Variants in ELAVL4 observed in about 807,000 individuals in gnomAD.
ELAVL4 encodes the protein ELAV like RNA binding protein 4, also known as ELAV-like protein 4.
Under a neutral mutation model 35.6 loss-of-function variants are expected in ELAVL4, and 1 was observed. That is an observed-to-expected ratio of 0.03 (90% confidence interval 0.01 to 0.13). The LOEUF (loss-of-function observed/expected upper bound fraction) is 0.13, where lower values mean the gene tolerates loss of function less well. Ranked by LOEUF, ELAVL4 falls within the 10% of genes least tolerant of loss-of-function variation. The probability of loss-of-function intolerance (pLI) is 1.00; values close to 1 mark genes in which losing one functional copy is unlikely to be tolerated. For synonymous variants in ELAVL4, 156 were observed against 171.0 expected, an observed-to-expected ratio of 0.91 and a Z score of 0.69; for missense variants, 267 against 464.9, an observed-to-expected ratio of 0.57 and a Z score of 3.91.
At chr1:50,057,612 T>C (rs1397207045) in intron 1 of ELAVL4, among the ~76,000 whole-genome samples, 1 of 152,192 alleles carries the variant, frequency 6.6e-6, no homozygotes, top group East Asian at 1.9e-4. Context: ...AATACAAGCA[T>C]TGTGTTACAG....
At chr1:50,176,979 G>T (rs1680145594) in intron 2 of ELAVL4, 110 bp from the exon 3 acceptor site, 1 of 810,194 alleles carries the variant, frequency 1.2e-6, no homozygotes, top group Non-Finnish European at 2.0e-6. Flanking sequence ...TTGACTCACT[G>T]CAGTGGGAAG....
At chr1:50,158,354 T>C (rs1572446393) in intron 2 of ELAVL4, among the ~76,000 whole-genome samples, 1 of 152,190 alleles carries the variant, frequency 6.6e-6, no homozygotes, top group South Asian at 2.1e-4. Context: ...GTATTTACTA[T>C]ACTGTACTAG....
chr1:50,156,376 A>T (rs957621841), intron 2 of ELAVL4, among the ~76,000 whole-genome samples: 1 of 152,214 alleles, frequency 6.6e-6, no homozygotes, highest in Admixed American at 6.5e-5. Context: ...AAATGAAAGC[A>T]GTCTATAAAT....
chr1:50,144,846 A>C, intron 1 of ELAVL4, 111 bp from the exon 2 acceptor site: 1 of 1,513,950 alleles, frequency 6.6e-7, no homozygotes. Context: ...CTCTTGCTCC[A>C]TCTTGCTTTA....
chr1:50,087,793 T>C (rs994176697), intron 1 of ELAVL4, among the ~76,000 whole-genome samples: 6 of 152,184 alleles, frequency 3.9e-5, no homozygotes, highest in African/African-American at 1.4e-4. Context: ...GAGAAGGCAG[T>C]CACCTGCAAA....
intron 1 of ELAVL4, among the ~76,000 whole-genome samples, chr1:50,091,176 T>A (rs892921436): frequency 6.6e-6 from 1 of 152,244 alleles, no homozygotes; most frequent in Non-Finnish European, 1.5e-5. Context: ...GAATTTCATT[T>A]CATGAATTGT....
intron 4 of ELAVL4, among the ~76,000 whole-genome samples, chr1:50,194,964 AT>A (rs752907421): frequency 1.6e-4 from 25 of 152,190 alleles, no homozygotes; most frequent in Admixed American, 9.8e-4. Context: ...TCAATAGGGA[AT>A]TTGGGGCCAG....
chr1:50,140,033 A>G (rs1672556910), intron 1 of ELAVL4, among the ~76,000 whole-genome samples: 1 of 152,248 alleles, frequency 6.6e-6, no homozygotes, highest in Non-Finnish European at 1.5e-5. Flanking sequence ...ACAGAAACAT[A>G]AAAGATTTAA....
In ELAVL4 at chr1:50,137,514, GGGAA is replaced by G. The variant is rs377587809; in HGVS notation, c.10-7424_10-7421del. Reference sequence around the variant, plus strand: ...CATAGAGAGACCCAGTCAAAAAAAAGGGAAGGAAGGAAGGAAGGAAGGCAGGAAG... The same window carrying G: ...CATAGAGAGACCCAGTCAAAAAAAAGGGAAGGAAGGAAGGAAGGCAGGAAG... On this transcript the variant is annotated intron_variant, in intron 1 of 6. Coordinates refer to ENST00000371824, the MANE Select transcript of ELAVL4 (RefSeq NM_001144774.3). 1.4e-3 allele frequency among the ~76,000 whole-genome samples: 212 copies of G among 151,592 alleles called. 2 individuals are homozygous for G. The highest frequency in any genetic ancestry group is 0.01 in the South Asian group (50 of 4,794).
chr1:50,096,146 C>T (rs1665708809), intron 1 of ELAVL4, among the ~76,000 whole-genome samples: 1 of 151,754 alleles, frequency 6.6e-6, no homozygotes, highest in African/African-American at 2.4e-5. Context: ...ATTTATTGAG[C>T]ACCAACTATG....
chr1:50,096,860 C>T lies in ELAVL4; in HGVS notation c.19-48097C>T, dbSNP rs548653630. 5.9e-5 allele frequency among the ~76,000 whole-genome samples: 9 copies of T among 152,246 alleles called. 1 individual carries two copies. In the South Asian group the frequency reaches 1.9e-3, roughly 32 times the overall value. Reference sequence around the variant, plus strand: ...TTGGACTTAATCAAGGTCCTGGTCCCTGACTTTTAAAAGCCCATGGTTTTA... The same window carrying T: ...TTGGACTTAATCAAGGTCCTGGTCCTTGACTTTTAAAAGCCCATGGTTTTA... On this transcript the variant is annotated intron_variant, in intron 1 of 6. Transcript: ENST00000448907.
chr1:50,083,154 T>G (rs942963342), intron 1 of ELAVL4, among the ~76,000 whole-genome samples: 10 of 152,190 alleles, frequency 6.6e-5, no homozygotes, highest in Non-Finnish European at 1.5e-4. Context: ...ACTCCTGGGC[T>G]CAAGTGATCT....
At chr1:50,154,689 G>A (rs1212964755) in intron 2 of ELAVL4, among the ~76,000 whole-genome samples, 2 of 151,888 alleles carry the variant, frequency 1.3e-5, no homozygotes, top group African/African-American at 4.8e-5. Flanking sequence ...GCACTTGGCT[G>A]CTTATTTTTC....
intron 1 of ELAVL4, among the ~76,000 whole-genome samples, chr1:50,094,923 C>G (rs1009845900): frequency 2.0e-5 from 3 of 151,728 alleles, no homozygotes; most frequent in African/African-American, 7.3e-5. Flanking sequence ...GAGTGAGACT[C>G]CATCTCAAAA....
At chr1:50,059,181 A>G (rs544462994) in intron 1 of ELAVL4, among the ~76,000 whole-genome samples, 6 of 152,298 alleles carry the variant, frequency 3.9e-5, no homozygotes, top group Admixed American at 2.6e-4. Context: ...TTAAATATCA[A>G]TCATATTTCT....
upstream of ELAVL4, among the ~76,000 whole-genome samples, chr1:50,102,400 TTTC>T (rs1291062460): frequency 3.9e-5 from 6 of 151,936 alleles, no homozygotes; most frequent in Non-Finnish European, 8.8e-5. Context: ...AATTTCGTTA[TTTC>T]TTCTTCTCCT....
chr1:50,058,761 G>A (rs1663813376), intron 1 of ELAVL4, among the ~76,000 whole-genome samples: 1 of 151,726 alleles, frequency 6.6e-6, no homozygotes, highest in African/African-American at 2.4e-5. Context: ...CTATAGGCAT[G>A]CACCACCATG....
rs1000036171 is a variant in ELAVL4 at position 50,201,742 on chromosome 1, T to C, written c.*564T>C. ...AAATTGCAAAAATAAAAAAAAACTT[T>C]TGCAAATTTTTTTATTTTTCCTTCT... On this transcript the variant is annotated 3_prime_UTR_variant, in exon 7 of 7. Transcript: ENST00000371824. The surrounding 1 kb of genome is among the most constrained non-coding windows in gnomAD (Gnocchi z 4.3). 5.9e-5 allele frequency: 9 copies of C among 152,112 alleles called. No homozygotes were observed. The highest frequency in any genetic ancestry group is 2.2e-4 in the African/African-American group (9 of 41,548). The allele number at this position is 152,112 out of a possible 1,614,324, so 9.4% of individuals were successfully genotyped here. A position where few individuals can be genotyped will look rare whatever the true frequency, so the allele number is the denominator to read the frequency against.
chr1:50,130,758 C>G (rs1670716933), intron 1 of ELAVL4, among the ~76,000 whole-genome samples: 1 of 152,056 alleles, frequency 6.6e-6, no homozygotes, highest in Non-Finnish European at 1.5e-5. Flanking sequence ...GGTTTCTGGC[C>G]CATCGAAGGA....
Sources: gnomAD v4.1 joint callset for allele counts (sites outside exome capture counted in the v4.1 genomes callset) on GRCh38, gnomAD v4.1.1 for gene constraint, Gnocchi (gnomAD v3.1) non-coding constraint, MANE v1.5 for transcripts, NCBI Gene and HGNC (gene_info 2026-07-23, HGNC 2026-07-21) for gene names.